Variants in CDKL3 observed in about 807,000 individuals in gnomAD.
The protein encoded by CDKL3 is cyclin dependent kinase like 3.
Under a neutral mutation model 69.3 loss-of-function variants are expected in CDKL3, and 65 were observed. The observed-to-expected ratio is 0.94, with a 90% CI of 0.77 to 1.15. The LOEUF is 1.15. Ranked by LOEUF, CDKL3 falls within the 50% of genes most tolerant of loss-of-function variation. CDKL3 has a pLI of 0.00. For synonymous variants in CDKL3, 202 were observed against 221.6 expected (o/e 0.91, Z 0.79); for missense variants, 652 against 689.2 (o/e 0.95, Z 0.61).
chr5:134,308,660 C>A lies in CDKL3; in HGVS notation c.949G>T (p.Glu317Ter). ...AKVNSLIKPK[E>*]SSKENELRKD... Reference sequence around the variant, plus strand: ...CTGAGTTCATTTTCTTTAGAACTCTCTTTTGGCTTTATTAATGAATTGACT... The same window carrying A: ...CTGAGTTCATTTTCTTTAGAACTCTATTTTGGCTTTATTAATGAATTGACT... Residue 317 changes from glutamate (E) to a stop codon, truncating the protein, a stop_gained, in exon 8 of 13, where the codon GAG (glutamate) becomes TAG (stop). Transcript: ENST00000265334. LOFTEE classifies it high-confidence loss of function. 6.2e-7 allele frequency: 1 copy of A among 1,609,432 alleles called. No individual in the cohort carries two copies. Among genetic ancestry groups the A allele is most frequent in the Non-Finnish European group, 8.5e-7 (1 of 1,178,684 alleles).
At chr5:134,284,016 T>A (rs1764741511), downstream of CDKL3, among the ~76,000 whole-genome samples, 2 of 152,104 alleles carry the variant, frequency 1.3e-5, no homozygotes, top group African/African-American at 4.8e-5. Context: ...GTCACACTAA[T>A]GCAAGAGGTG....
chr5:134,334,344 G>A lies in CDKL3; in HGVS notation c.540-12441C>T, dbSNP rs144382926. ...TGATCTTAGTTATTTCTTGCCTTCT[G>A]CTAGCTTTTGAATTTGAATTTGTTT... On this transcript the variant is annotated intron_variant, in intron 4 of 12. Transcript: ENST00000265334. Among the ~76,000 whole-genome samples, 890 of 152,126 alleles carry A rather than the reference G, an allele frequency of 5.9e-3. 10 individuals are homozygous for A. The highest frequency in any genetic ancestry group is 0.02 in the African/African-American group (846 of 41,510).
Position 134,316,612 on chromosome 5 carries a change from T to A in CDKL3, c.792+2746A>T, listed in dbSNP as rs1170070864. Among the ~76,000 whole-genome samples, 9 of 148,048 alleles carry A rather than the reference T, an allele frequency of 6.1e-5. No individual in the cohort carries two copies. In the South Asian group the frequency reaches 6.4e-4, roughly 11 times the overall value. On this transcript the variant is annotated intron_variant, in intron 6 of 12. Coordinates refer to ENST00000265334, the MANE Select transcript of CDKL3 (RefSeq NM_001113575.2). ...ACTCCATCTCAAAAAAAAAAAAAAA[T>A]TTTATTGTCACATCTTTACCAATAG...
intron 12 of CDKL3, 30 bp from the exon 13 acceptor site, chr5:134,298,740 C>T: frequency 6.2e-7 from 1 of 1,605,048 alleles, no homozygotes; most frequent in Non-Finnish European, 8.5e-7. Context: ...TAGTAAGAAT[C>T]AGGGACTGGA....
At chr5:134,342,340 T>C (rs964136491) in intron 4 of CDKL3, among the ~76,000 whole-genome samples, 1 of 152,034 alleles carries the variant, frequency 6.6e-6, no homozygotes, top group Non-Finnish European at 1.5e-5. Context: ...GGCTCACGCC[T>C]GTAATCCCAG....
intron 4 of CDKL3, among the ~76,000 whole-genome samples, chr5:134,326,839 A>AAGAAATAAAGGAATTAAT (rs1774439519): frequency 9.5e-6 from 1 of 104,894 alleles, no homozygotes; most frequent in Non-Finnish European, 1.8e-5. Flanking sequence ...ATATATATAT[A>AAGAAATAAAGGAATTAAT]TATATATATA....
At chr5:134,312,499 A>C in intron 6 of CDKL3, 119 bp from the exon 7 acceptor site, 1 of 599,522 alleles carries the variant, frequency 1.7e-6, no homozygotes, top group Non-Finnish European at 2.8e-6. Flanking sequence ...GCCTTCTTGA[A>C]AAGATGGAAT....
Position 134,367,163 on chromosome 5 carries a change from CT to C in CDKL3, c.-209del. ...CACCATGGAAACGCCGGCGGAGTTG[CT>C]GCGTTCTAGACTCGTGCGCAAGACC... On this transcript the variant is annotated 5_prime_UTR_variant, in exon 1 of 13. Transcript: ENST00000265334. 1 of 985,788 alleles carries C rather than the reference CT, an allele frequency of 1.0e-6. No homozygotes were observed. The highest frequency in any genetic ancestry group is 1.2e-6 in the Non-Finnish European group (1 of 830,260). 61.1% of individuals were successfully genotyped at this position (985,788 alleles called of 1,614,324 possible).
chr5:134,301,243 C>T (rs1195115180), intron 12 of CDKL3, among the ~76,000 whole-genome samples: 1 of 152,140 alleles, frequency 6.6e-6, no homozygotes, highest in Non-Finnish European at 1.5e-5. Context: ...GGTGATCCAC[C>T]CTCTTCAGCC....
At position 134,308,191 on chromosome 5, in the gene CDKL3, G is replaced by A; in HGVS notation, c.1311C>T (p.Asn437=). The change falls in exon 9 of 13, where the codon AAC becomes AAT. Residue 437 remains asparagine (N), a synonymous_variant. Transcript: ENST00000265334. ...SVTMPPINLT[N]SNLMAANLSS... is the part of the protein sequence containing the mutation. ...TGAGATTTGCAGCCATCAAATTACT[G>A]TTAGTTAGATTGATGGGTGGCATTG... 1 of 1,613,842 alleles carries A rather than the reference G, an allele frequency of 6.2e-7. No homozygotes were observed. Among genetic ancestry groups the A allele is most frequent in the Non-Finnish European group, 8.5e-7 (1 of 1,179,826 alleles).
chr5:134,299,560 A>G lies in CDKL3; in HGVS notation c.1720-850T>C, dbSNP rs146226463. ...TAAAAACAAATTTAGGTGAATGTAC[A>G]TATAACTAACAGGATTTACGATATA... On this transcript the variant is annotated intron_variant, in intron 12 of 12. Transcript: ENST00000265334. 1.7e-4 allele frequency: 214 copies of G among 1,247,360 alleles called. 1 individual carries two copies. In the East Asian group the frequency reaches 5.7e-3, roughly 33 times the overall value. The allele number at this position is 1,247,360 out of a possible 1,614,324, so 77.3% of individuals were successfully genotyped here.
chr5:134,371,243 C>G (rs1758370725), upstream of CDKL3: 1 of 360,514 alleles, frequency 2.8e-6, no homozygotes, highest in Admixed American at 4.5e-5. Flanking sequence ...GATAGTGTTT[C>G]TGTTTCGTGG....
At chr5:134,312,115 C>T (rs775233890) in intron 7 of CDKL3, among the ~76,000 whole-genome samples, 177 bp downstream of exon 7, 10 of 152,056 alleles carry the variant, frequency 6.6e-5, no homozygotes, top group Admixed American at 6.6e-5. Context: ...GCTTTTCATT[C>T]GTGACACTTG....
intron 7 of CDKL3, 100 bp downstream of exon 7, chr5:134,312,192 A>G (rs1769731133): frequency 4.3e-6 from 3 of 697,688 alleles, no homozygotes; most frequent in Middle Eastern, 3.8e-4. Context: ...TAAACTGAAT[A>G]TTTGTTATAT....
At chr5:134,310,494 C>G (rs1769151799) in intron 7 of CDKL3, among the ~76,000 whole-genome samples, 1 of 146,166 alleles carries the variant, frequency 6.8e-6, no homozygotes, top group African/African-American at 2.6e-5. Context: ...CCGGCCTATT[C>G]TTTTATTTTT....
intron 3 of CDKL3, among the ~76,000 whole-genome samples, chr5:134,353,456 ATCAACTTG>A (rs1331845081): frequency 6.6e-5 from 10 of 152,050 alleles, no homozygotes; most frequent in Non-Finnish European, 8.8e-5. Context: ...ACACAAGTCT[ATCAACTTG>A]TCTCCCTGAA....
upstream of CDKL3, chr5:134,367,339 T>C: frequency 1.0e-6 from 1 of 983,472 alleles, no homozygotes; most frequent in Non-Finnish European, 1.2e-6. Flanking sequence ...ACAAGGTTGC[T>C]TTTGAATGTG....
chr5:134,367,505 C>T, upstream of CDKL3: 2 of 628,516 alleles, frequency 3.2e-6, no homozygotes, highest in Non-Finnish European at 4.0e-6. Flanking sequence ...TCCCGAGTAG[C>T]TGGGATTACA....
intron 9 of CDKL3, 69 bp downstream of exon 9, chr5:134,308,069 C>T (rs893374287): frequency 2.0e-6 from 3 of 1,495,408 alleles, no homozygotes; most frequent in African/African-American, 2.8e-5. Context: ...ACACTATGAA[C>T]ACGATTCTTT....
Sources: allele counts gnomAD v4.1 joint callset (sites outside exome capture counted in the v4.1 genomes callset), GRCh38; gene constraint gnomAD v4.1.1; transcripts MANE v1.5; gene names NCBI Gene and HGNC (gene_info 2026-07-23, HGNC 2026-07-21).